The following RAD51B variants were observed in gnomAD, a reference collection of about 807,000 sequenced individuals.
RAD51B encodes DNA repair protein RAD51 homolog 2.
RAD51B carries 38 observed loss-of-function variants against 42.2 expected under a neutral mutation model. That is an observed-to-expected ratio of 0.90 (90% CI 0.70 to 1.18). RAD51B has a LOEUF of 1.18. RAD51B is among the 50% of genes most tolerant of loss of function. RAD51B has a pLI of 0.00. For missense variants in RAD51B, 373 were observed against 400.7 expected (o/e 0.93, Z 0.59); for synonymous variants, 154 against 145.2 (o/e 1.06, Z -0.43).
At chr14:68,303,606 G>A (rs941869351) in intron 8 of RAD51B, among the ~76,000 whole-genome samples, 1 of 152,194 alleles carries the variant, frequency 6.6e-6, no homozygotes, top group Non-Finnish European at 1.5e-5. Context: ...TTTGAGGCAA[G>A]TCACTTTGGG....
intron 7 of RAD51B, among the ~76,000 whole-genome samples, chr14:67,980,246 A>G (rs753554204): frequency 6.6e-6 from 1 of 152,100 alleles, no homozygotes; most frequent in Non-Finnish European, 1.5e-5. Flanking sequence ...GAAGTTTGAG[A>G]TCAGCCTTAC....
chr14:68,589,850 C>A (rs532417354), intron 10 of RAD51B, among the ~76,000 whole-genome samples: 1 of 152,000 alleles, frequency 6.6e-6, no homozygotes, highest in Non-Finnish European at 1.5e-5. Context: ...AGGGCTTTTT[C>A]CCCCCCATTT....
chr14:68,484,083 A>C (rs1036853813), intron 10 of RAD51B, among the ~76,000 whole-genome samples: 3 of 152,220 alleles, frequency 2.0e-5, no homozygotes, highest in African/African-American at 7.2e-5. Context: ...TGTAGATGCC[A>C]AGACTTCCTT....
chr14:67,948,931 CAAAAAAAAAAAAA>C (rs59465805), intron 7 of RAD51B, among the ~76,000 whole-genome samples: 9 of 17,070 alleles, frequency 5.3e-4, no homozygotes, highest in South Asian at 2.9e-3. Flanking sequence ...GACTCTGTCT[CAAAAAAAAAAAAA>C]AAAAAAAAAA....
At position 68,151,006 on chromosome 14, in the gene RAD51B, A is replaced by G. The variant is rs998139044; in HGVS notation, c.757-140878A>G. Among the ~76,000 whole-genome samples the G allele has an allele frequency of 2.0e-5, 3 of 152,106 alleles. No individual in the cohort carries two copies. In the East Asian group the frequency reaches 5.8e-4, roughly 29 times the overall value. On this transcript the variant is annotated intron_variant, in intron 7 of 10. Transcript: ENST00000471583. ...AAATATATATTACCCAGTGGTTACC[A>G]TTTCCTGTGATCTTTCCTTTGTATA...
intron 7 of RAD51B, among the ~76,000 whole-genome samples, chr14:68,147,087 C>T (rs976209838): frequency 5.3e-5 from 8 of 152,124 alleles, no homozygotes; most frequent in African/African-American, 1.9e-4. Context: ...AGAATTTCTC[C>T]GGGAGTCTTA....
At chr14:68,544,001 T>C (rs931408292) in intron 10 of RAD51B, among the ~76,000 whole-genome samples, 4 of 152,194 alleles carry the variant, frequency 2.6e-5, no homozygotes, top group Non-Finnish European at 5.9e-5. Flanking sequence ...TTCAGACAAA[T>C]GTGTATCAGA....
intron 11 of RAD51B, among the ~76,000 whole-genome samples, chr14:68,660,074 G>A (rs1215032559): frequency 6.6e-6 from 1 of 152,202 alleles, no homozygotes; most frequent in African/African-American, 2.4e-5. Context: ...AATGCCAATG[G>A]GGGCTGGCAG....
intron 10 of RAD51B, among the ~76,000 whole-genome samples, chr14:68,528,954 C>T (rs753251955): frequency 1.3e-5 from 2 of 152,134 alleles, no homozygotes; most frequent in Non-Finnish European, 1.5e-5. Flanking sequence ...CAGAAGAAAC[C>T]CTGGTCCGTC....
intron 7 of RAD51B, among the ~76,000 whole-genome samples, chr14:68,212,464 C>CT (rs2079731360): frequency 2.0e-5 from 3 of 152,210 alleles, no homozygotes; most frequent in Non-Finnish European, 4.4e-5. Context: ...TAAATACCAC[C>CT]ATGTGTGTCC....
chr14:67,937,000 A>T (rs1464580841), intron 7 of RAD51B, among the ~76,000 whole-genome samples: 1 of 152,118 alleles, frequency 6.6e-6, no homozygotes, highest in African/African-American at 2.4e-5. Context: ...TTTGATTTTC[A>T]AATATTTTCT....
At chr14:67,886,714 C>G (rs1192675062) in intron 6 of RAD51B, 1 of 263,094 alleles carries the variant, frequency 3.8e-6, no homozygotes, top group African/African-American at 2.2e-5. Flanking sequence ...ATGCAAAATA[C>G]CAAGAGGAGG....
chr14:68,417,815 A>C (rs977781193), intron 9 of RAD51B, among the ~76,000 whole-genome samples: 1 of 152,210 alleles, frequency 6.6e-6, no homozygotes, highest in Non-Finnish European at 1.5e-5. Context: ...GAAAAAAGTC[A>C]ATATATCCAA....
rs17104744 is a variant in RAD51B at position 67,887,162 on chromosome 14, G to A, written c.714G>A (p.Glu238=). The A allele has an allele frequency of 1.5e-3, 2,397 of 1,612,062 alleles. 33 individuals carry two copies. The African/African-American group carries it at 0.029, about 20-fold the overall frequency. Residue 238 remains glutamate, a synonymous_variant, in exon 7 of 11, where the codon GAG becomes GAA. Transcript: ENST00000471583. ...LKERNKFLAR[E]ASSLKYLAEE... The stretch of plus-strand genomic sequence containing the variant: ...AAAGAAACAAGTTCTTGGCAAGAGA[G>A]GCATCCTCCTTGAAGTATTTGGCTG...
At chr14:68,008,067 A>C (rs1183386119) in intron 7 of RAD51B, among the ~76,000 whole-genome samples, 2 of 151,898 alleles carry the variant, frequency 1.3e-5, no homozygotes, top group Non-Finnish European at 2.9e-5. Flanking sequence ...TGTAGAGGAT[A>C]TTTGGCAACA....
At chr14:67,925,953 C>A (rs2044492205) in intron 7 of RAD51B, among the ~76,000 whole-genome samples, 1 of 152,146 alleles carries the variant, frequency 6.6e-6, no homozygotes, top group African/African-American at 2.4e-5. Flanking sequence ...CTGCACACAG[C>A]CTGGGCCGCA....
intron 5 of RAD51B, among the ~76,000 whole-genome samples, chr14:67,882,976 C>T (rs1381441045): frequency 6.6e-6 from 1 of 152,362 alleles, no homozygotes; most frequent in East Asian, 1.9e-4. Flanking sequence ...AACTCCTGAC[C>T]TCAGGTGATC....
chr14:67,859,405 A>C (rs2042093641), intron 4 of RAD51B, among the ~76,000 whole-genome samples: 1 of 152,244 alleles, frequency 6.6e-6, no homozygotes, highest in Non-Finnish European at 1.5e-5. Context: ...ATTAATGTTG[A>C]AGTAAAAATC....
At chr14:68,380,950 G>A (rs1037748763) in intron 8 of RAD51B, among the ~76,000 whole-genome samples, 1 of 152,184 alleles carries the variant, frequency 6.6e-6, no homozygotes, top group Non-Finnish European at 1.5e-5. Flanking sequence ...AATCAGTAGG[G>A]TGAGCACAGT....
Sources: allele counts gnomAD v4.1 joint callset (sites outside exome capture counted in the v4.1 genomes callset), GRCh38; gene constraint gnomAD v4.1.1; transcripts MANE v1.5; gene names NCBI Gene and HGNC (gene_info 2026-07-23, HGNC 2026-07-21).